AUTS2: variants seen among roughly 807,000 people sequenced by gnomAD.
The protein encoded by AUTS2 is activator of transcription and developmental regulator AUTS2, also known as autism susceptibility gene 2 protein.
In AUTS2, 17 loss-of-function variants were observed where a neutral mutation model predicts 112.4. The observed-to-expected ratio is 0.15, with a 90% CI of 0.10 to 0.23. AUTS2 has a LOEUF of 0.23. AUTS2 is among the 10% of genes least tolerant of loss of function. AUTS2 has a pLI of 1.00. For synonymous variants in AUTS2, 751 were observed against 702.7 expected (o/e 1.07, Z -1.09); for missense variants, 1,510 against 1,701.6 (o/e 0.89, Z 1.98).
rs137992448 is a variant in AUTS2, at chr7:69,895,116, G to A, written c.310-4170G>A. Reference sequence around the variant, plus strand: ...GTGGTGGAGGAAAGCATTGGTGGGTGTATATTTACAAACAATTACACAGGC... The same window carrying A: ...GTGGTGGAGGAAAGCATTGGTGGGTATATATTTACAAACAATTACACAGGC... On this transcript the variant is annotated intron_variant, in intron 1 of 18. Coordinates refer to ENST00000342771, the MANE Select transcript of AUTS2 (RefSeq NM_015570.4). Among the ~76,000 whole-genome samples the A allele has an allele frequency of 9.2e-5, 14 of 152,290 alleles. No homozygotes were observed. In the East Asian group the frequency reaches 2.5e-3, roughly 27 times the overall value.
At chr7:70,413,351 T>C (rs887206210) in intron 4 of AUTS2, among the ~76,000 whole-genome samples, 22 of 152,184 alleles carry the variant, frequency 1.4e-4, no homozygotes, top group African/African-American at 5.3e-4. Context: ...AAATGATTGC[T>C]GAAGGGGTCT....
intron 4 of AUTS2, among the ~76,000 whole-genome samples, chr7:70,363,465 GA>G (rs369462886): frequency 0.22 from 23,883 of 110,908 alleles, 2,417 homozygotes; most frequent in East Asian, 0.44. Context: ...ATAAAAAAAA[GA>G]AAAAAAAAAA....
At chr7:70,317,972 A>G (rs955111363) in intron 4 of AUTS2, among the ~76,000 whole-genome samples, 24 of 152,124 alleles carry the variant, frequency 1.6e-4, no homozygotes, top group Non-Finnish European at 8.8e-5. Flanking sequence ...CTAAAATGTA[A>G]TGGTCATGAC....
chr7:70,009,475 G>A (rs186487055), intron 2 of AUTS2, among the ~76,000 whole-genome samples: 2,243 of 152,296 alleles, frequency 0.015, 19 homozygotes, highest in Middle Eastern at 0.027. Flanking sequence ...TAAAATAGAA[G>A]TGGGCTGTAT....
chr7:70,409,476 T>G (rs972278780), intron 4 of AUTS2, among the ~76,000 whole-genome samples: 38 of 152,186 alleles, frequency 2.5e-4, no homozygotes, highest in African/African-American at 9.2e-4. Context: ...TCTCAAGATT[T>G]CTCACATGAT....
chr7:70,354,318 AG>A (rs1462298605), intron 4 of AUTS2, among the ~76,000 whole-genome samples: 18 of 152,272 alleles, frequency 1.2e-4, no homozygotes, highest in African/African-American at 4.3e-4. Context: ...AACTTCAAAT[AG>A]AATATTTCCT....
At chr7:69,990,829 A>G (rs1225456560) in intron 2 of AUTS2, among the ~76,000 whole-genome samples, 7 of 152,172 alleles carry the variant, frequency 4.6e-5, no homozygotes, top group Non-Finnish European at 7.3e-5. Flanking sequence ...CCAAATATGA[A>G]ATGCTGCAGT....
intron 1 of AUTS2, among the ~76,000 whole-genome samples, chr7:69,725,031 G>T (rs1012475392): frequency 1.3e-5 from 2 of 152,092 alleles, no homozygotes; most frequent in Admixed American, 6.6e-5. Context: ...TCATAGAGAA[G>T]AATTTATTAG....
At chr7:70,377,362 A>AG (rs1793152859) in intron 4 of AUTS2, among the ~76,000 whole-genome samples, 1 of 119,244 alleles carries the variant, frequency 8.4e-6, no homozygotes, top group Non-Finnish European at 1.8e-5. Flanking sequence ...ATATATATAT[A>AG]TATATATATA....
At chr7:70,757,681 A>AT (rs1250355460) in intron 6 of AUTS2, among the ~76,000 whole-genome samples, 2 of 149,858 alleles carry the variant, frequency 1.3e-5, no homozygotes, top group South Asian at 2.1e-4. Flanking sequence ...ACATTTTCTT[A>AT]TTTTTTTATG....
At chr7:70,549,683 T>G (rs1800937593) in intron 5 of AUTS2, among the ~76,000 whole-genome samples, 1 of 152,126 alleles carries the variant, frequency 6.6e-6, no homozygotes, top group South Asian at 2.1e-4. Context: ...CAGAGTAAGA[T>G]CCTATCTCTT....
At chr7:70,348,710 T>C (rs1448652830) in intron 4 of AUTS2, among the ~76,000 whole-genome samples, 1 of 151,998 alleles carries the variant, frequency 6.6e-6, no homozygotes, top group Non-Finnish European at 1.5e-5. Flanking sequence ...CTAGGGAGGC[T>C]GAGGCAGGAG....
intron 1 of AUTS2, among the ~76,000 whole-genome samples, chr7:69,692,900 G>A (rs540369045): frequency 1.4e-4 from 21 of 152,308 alleles, no homozygotes; most frequent in Admixed American, 1.2e-3. Flanking sequence ...CAGCTTTCAA[G>A]AGGCTGGTCA....
intron 1 of AUTS2, among the ~76,000 whole-genome samples, chr7:69,889,155 C>T (rs1794410123): frequency 6.6e-6 from 1 of 152,180 alleles, no homozygotes; most frequent in Non-Finnish European, 1.5e-5. Context: ...TAGCCTCAGT[C>T]TCCCAAGTAG....
intron 4 of AUTS2, among the ~76,000 whole-genome samples, chr7:70,368,284 AT>A (rs763268429): frequency 1.3e-5 from 2 of 152,158 alleles, no homozygotes; most frequent in Non-Finnish European, 2.9e-5. Flanking sequence ...TATTAGTAGG[AT>A]TTTTTGTTTG....
intron 1 of AUTS2, among the ~76,000 whole-genome samples, chr7:69,805,584 G>A (rs1487099564): frequency 2.0e-5 from 3 of 152,102 alleles, no homozygotes; most frequent in Non-Finnish European, 4.4e-5. Flanking sequence ...ATAGGAAAAA[G>A]ACAGGGAAAA....
At chr7:70,340,866 G>A (rs956604274) in intron 4 of AUTS2, among the ~76,000 whole-genome samples, 1 of 152,178 alleles carries the variant, frequency 6.6e-6, no homozygotes, top group Non-Finnish European at 1.5e-5. Context: ...TTTGGAAAAA[G>A]TACTTTTTTG....
intron 1 of AUTS2, among the ~76,000 whole-genome samples, chr7:69,808,512 TA>T (rs201855499): frequency 6.6e-6 from 1 of 151,140 alleles, no homozygotes; most frequent in Non-Finnish European, 1.5e-5. Flanking sequence ...CACTTGGAAG[TA>T]AAAAAAAAAT....
intron 4 of AUTS2, among the ~76,000 whole-genome samples, chr7:70,164,152 A>C (rs1406631452): frequency 1.3e-5 from 2 of 152,226 alleles, no homozygotes; most frequent in African/African-American, 4.8e-5. Flanking sequence ...GATTTAGATT[A>C]CAAAGTTATG....
Sources: gnomAD v4.1 joint callset for allele counts (sites outside exome capture counted in the v4.1 genomes callset) on GRCh38, gnomAD v4.1.1 for gene constraint, MANE v1.5 for transcripts, NCBI Gene and HGNC (gene_info 2026-07-23, HGNC 2026-07-21) for gene names.